UNC5A: variants seen among roughly 807,000 people sequenced by gnomAD.
UNC5A encodes the protein netrin receptor UNC5A.
Under a neutral mutation model 87.4 loss-of-function variants are expected in UNC5A, and 20 were observed. The ratio of observed to expected loss-of-function variants is 0.23; its 90% CI spans 0.16 to 0.33. The LOEUF (loss-of-function observed/expected upper bound fraction) is 0.33. Among genes scored for constraint, UNC5A ranks in the 10% least tolerant of loss-of-function variants. The probability of loss-of-function intolerance (pLI) is 1.00; values close to 1 mark genes in which losing one functional copy is unlikely to be tolerated. For missense variants in UNC5A, 844 were observed against 1,133.4 expected (o/e 0.74, Z 3.67); for synonymous variants, 438 against 482.3 (o/e 0.91, Z 1.20).
intron 1 of UNC5A, among the ~76,000 whole-genome samples, chr5:176,861,690 T>C (rs561727770): frequency 2.5e-4 from 38 of 152,266 alleles, no homozygotes; most frequent in African/African-American, 8.4e-4. Flanking sequence ...ATCTCACAGA[T>C]AGCAAGCCAC....
chr5:176,874,370 CACCAATGGGCACCTG>C lies in UNC5A; in HGVS notation c.1183_1197del (p.Thr395_Leu399del), dbSNP rs1758208653. On this transcript the variant is annotated inframe_deletion, in exon 8 of 15. Transcript: ENST00000329542. The surrounding 1 kb of genome is among the most constrained non-coding windows in gnomAD (Gnocchi z 7.6). The stretch of plus-strand genomic sequence containing the variant: ...ATGGGCCCAGCCCCAAGTTCCAGCT[CACCAATGGGCACCTG>C]CTCAGCCCCCTGGGTGGCGGCCGCC... The C allele has an allele frequency of 6.2e-7, 1 of 1,613,726 alleles. No individual in the cohort carries two copies. Among genetic ancestry groups the C allele is most frequent in the Non-Finnish European group, 8.5e-7 (1 of 1,179,982 alleles).
chr5:176,867,446 T>A (rs1758001614), intron 2 of UNC5A, among the ~76,000 whole-genome samples: 2 of 152,078 alleles, frequency 1.3e-5, no homozygotes, highest in African/African-American at 4.8e-5. Context: ...TCTTCCAAAG[T>A]TTCTCCCTAG....
chr5:176,842,478 A>G (rs1481368363), intron 1 of UNC5A, among the ~76,000 whole-genome samples: 1 of 143,236 alleles, frequency 7.0e-6, no homozygotes, highest in Non-Finnish European at 1.5e-5. Flanking sequence ...TCAATCAACA[A>G]ATGGAGAAAC....
intron 1 of UNC5A, among the ~76,000 whole-genome samples, chr5:176,843,355 C>T (rs692598): frequency 0.053 from 8,124 of 152,094 alleles, 451 homozygotes; most frequent in African/African-American, 0.15. Flanking sequence ...GCTAAAGAAG[C>T]CAGACACGAA....
Position 176,869,551 on chromosome 5 carries a change from C to A in UNC5A, c.721+587C>A. The A allele has an allele frequency of 1.5e-6, 1 of 667,408 alleles. No homozygotes were observed. Among genetic ancestry groups the A allele is most frequent in the South Asian group, 1.6e-5 (1 of 63,390 alleles). 41.3% of individuals were successfully genotyped at this position (667,408 alleles called of 1,614,324 possible). ...GCCCCTCTGCCCTCACGCCCCGTCC[C>A]CTGGGCCAGTGTATCTGAGGACGCC... On this transcript the variant is annotated intron_variant, in intron 5 of 14. Transcript: ENST00000329542. The surrounding 1 kb of genome is among the most constrained non-coding windows in gnomAD (Gnocchi z 9.1).
Position 176,875,491 on chromosome 5 carries a change from GC to G in UNC5A, c.1378+927del, listed in dbSNP as rs1758241177. ...TGCCCCCCGCCAGCTTCAGTCCCAC[GC>G]CAGTCCCTCCTCAATAGCTCCTGCC... On this transcript the variant is annotated intron_variant, in intron 8 of 14. Coordinates refer to ENST00000329542, the MANE Select transcript of UNC5A (RefSeq NM_133369.3). This position sits in a 1 kb window ranked among gnomAD's most constrained non-coding sequence, Gnocchi z 5.2. Among the ~76,000 whole-genome samples, 1 of 151,860 alleles carries G rather than the reference GC, an allele frequency of 6.6e-6. No individual in the cohort carries two copies. The highest frequency in any genetic ancestry group is 1.5e-5 in the Non-Finnish European group (1 of 67,972).
At chr5:176,857,505 C>G (rs1457583935) in intron 1 of UNC5A, among the ~76,000 whole-genome samples, 1 of 151,272 alleles carries the variant, frequency 6.6e-6, no homozygotes, top group Non-Finnish European at 1.5e-5. Context: ...CACACGCACA[C>G]ACACACACAT....
In UNC5A at chr5:176,830,353, CTT is replaced by C. The variant is rs143831105; in HGVS notation, c.70+19534_70+19535del. Among the ~76,000 whole-genome samples, 64 of 152,156 alleles carry C rather than the reference CTT, an allele frequency of 4.2e-4. 1 individual carries two copies. The East Asian group carries it at 0.011, about 26-fold the overall frequency. On this transcript the variant is annotated intron_variant, in intron 1 of 14. Transcript: ENST00000329542. ...GGGGCATGGGTGCGGTGTGCGCCTG[CTT>C]GTATGCTGGCATGTGTGTGTGTGTT...
intron 1 of UNC5A, among the ~76,000 whole-genome samples, chr5:176,825,392 A>G (rs904850206): frequency 6.6e-6 from 1 of 152,192 alleles, no homozygotes; most frequent in Admixed American, 6.5e-5. Context: ...GGACCCGCCG[A>G]TGAGGCCTGG....
At chr5:176,870,655 G>A in intron 6 of UNC5A, 121 bp downstream of exon 6, 1 of 1,172,990 alleles carries the variant, frequency 8.5e-7, no homozygotes, top group Non-Finnish European at 1.2e-6. Flanking sequence ...TCCAGGCTCA[G>A]GACCCACTGA....
At chr5:176,813,720 C>T (rs966271794) in intron 1 of UNC5A, among the ~76,000 whole-genome samples, 1 of 152,226 alleles carries the variant, frequency 6.6e-6, no homozygotes, top group Non-Finnish European at 1.5e-5. Context: ...GGCCAGAGAG[C>T]CCCTGTCCTC....
intron 5 of UNC5A, 92 bp from the exon 6 acceptor site, chr5:176,870,278 G>C: frequency 6.6e-7 from 1 of 1,508,810 alleles, no homozygotes; most frequent in Non-Finnish European, 9.0e-7. Flanking sequence ...GCACTGCCTG[G>C]TCTGGTTGCC....
Position 176,814,935 on chromosome 5 carries a change from A to G in UNC5A, c.70+4115A>G, listed in dbSNP as rs543244248. Among the ~76,000 whole-genome samples, 359 of 152,302 alleles carry G rather than the reference A, an allele frequency of 2.4e-3. 3 individuals carry two copies. The highest frequency in any genetic ancestry group is 2.4e-3 in the Non-Finnish European group (160 of 68,018). On this transcript the variant is annotated intron_variant, in intron 1 of 14. Transcript: ENST00000329542. ...TCCCTGTCCCTGAACACGGACTGCC[A>G]TGCTCCAGGGAAGCTGGAAACGGCC...
At chr5:176,877,052 G>A (rs1026345385) in intron 8 of UNC5A, 140 bp from the exon 9 acceptor site, 5 of 662,100 alleles carry the variant, frequency 7.6e-6, no homozygotes, top group Admixed American at 2.9e-5. Flanking sequence ...TGGTCAGCAC[G>A]GCAGTCTTTG....
chr5:176,847,071 T>A (rs977375788), intron 1 of UNC5A, among the ~76,000 whole-genome samples: 3 of 152,064 alleles, frequency 2.0e-5, no homozygotes, highest in African/African-American at 7.2e-5. Context: ...CTCATTCCAT[T>A]TGTGCCACTC....
intron 5 of UNC5A, 91 bp from the exon 6 acceptor site, chr5:176,870,279 T>C: frequency 6.6e-7 from 1 of 1,513,306 alleles, no homozygotes; most frequent in Non-Finnish European, 9.0e-7. Context: ...CACTGCCTGG[T>C]CTGGTTGCCC....
intron 2 of UNC5A, 37 bp from the exon 3 acceptor site, chr5:176,868,093 C>A (rs1339668693): frequency 1.9e-6 from 3 of 1,602,662 alleles, no homozygotes; most frequent in Non-Finnish European, 2.6e-6. Context: ...CTCAGGGTGG[C>A]CCTGGGGCTC....
chr5:176,839,349 G>A (rs1431716767), intron 1 of UNC5A, among the ~76,000 whole-genome samples: 1 of 152,254 alleles, frequency 6.6e-6, no homozygotes, highest in East Asian at 1.9e-4. Context: ...GAAACCTAGA[G>A]CTCTGTGGCA....
At chr5:176,840,699 C>A (rs1463295888) in intron 1 of UNC5A, among the ~76,000 whole-genome samples, 15 of 152,340 alleles carry the variant, frequency 9.8e-5, no homozygotes, top group Admixed American at 3.3e-4. Context: ...GCCCAGGCGT[C>A]CCTGGTGCCC....
Sources: gnomAD v4.1 joint callset for allele counts (sites outside exome capture counted in the v4.1 genomes callset) on GRCh38, gnomAD v4.1.1 for gene constraint, Gnocchi (gnomAD v3.1) non-coding constraint, MANE v1.5 for transcripts, NCBI Gene and HGNC (gene_info 2026-07-23, HGNC 2026-07-21) for gene names.